UBE2Q1: variants seen among roughly 807,000 people sequenced by gnomAD.
UBE2Q1 encodes the protein ubiquitin-conjugating enzyme E2 Q1.
UBE2Q1 carries 6 observed loss-of-function variants against 60.1 expected under a neutral mutation model. The ratio of observed to expected loss-of-function variants is 0.10; its 90% CI spans 0.05 to 0.20. The LOEUF (loss-of-function observed/expected upper bound fraction) is 0.20. UBE2Q1 is among the 10% of genes least tolerant of loss of function. The pLI, the probability that UBE2Q1 is intolerant of heterozygous loss-of-function variation, is 1.00. For synonymous variants in UBE2Q1, 226 were observed against 208.3 expected (o/e 1.09, Z -0.73); for missense variants, 262 against 525.8 (o/e 0.50, Z 4.91).
intron 1 of UBE2Q1, among the ~76,000 whole-genome samples, chr1:154,557,618 G>A (rs756914406): frequency 2.6e-5 from 4 of 152,086 alleles, no homozygotes; most frequent in East Asian, 1.9e-4. Flanking sequence ...TACCAGCTGA[G>A]GCAAAAAGAG....
rs1165772537 is a variant in UBE2Q1, at chr1:154,558,632, G to A, written c.-79C>T. 2 of 1,000,424 alleles carry A rather than the reference G, an allele frequency of 2.0e-6. No individual in the cohort carries two copies. Among genetic ancestry groups the A allele is most frequent in the Non-Finnish European group, 2.4e-6 (2 of 843,242 alleles). The allele number at this position is 1,000,424 out of a possible 1,614,324, so 62.0% of individuals were successfully genotyped here. On this transcript the variant is annotated 5_prime_UTR_variant, in exon 1 of 13. Coordinates refer to ENST00000292211, the MANE Select transcript of UBE2Q1 (RefSeq NM_017582.7). ...TCCGGGCTCCGCCGCCGCCGCCGCCGCCGCCGCCGCCGCCGCGGTCCGCAC... is the reference window on the plus strand; with the variant it reads ...TCCGGGCTCCGCCGCCGCCGCCGCCACCGCCGCCGCCGCCGCGGTCCGCAC...
In UBE2Q1 at chr1:154,550,335, A is replaced by C. The variant is rs1695773027; in HGVS notation, c.*103T>G. 1.3e-6 allele frequency: 2 copies of C among 1,493,238 alleles called. No homozygotes were observed. The highest frequency in any genetic ancestry group is 2.8e-5 in the African/African-American group (2 of 72,366). 92.5% of individuals were successfully genotyped at this position (1,493,238 alleles called of 1,614,324 possible). A position where few individuals can be genotyped will look rare whatever the true frequency, so the allele number is the denominator to read the frequency against. On this transcript the variant is annotated 3_prime_UTR_variant, in exon 13 of 13. Transcript: ENST00000292211. Reference sequence around the variant, plus strand: ...AGGCAGAGCTATCACGTCCAGGAAAAATGAGGGAGGGAACCACAGAGGCAG... The same window carrying C: ...AGGCAGAGCTATCACGTCCAGGAAACATGAGGGAGGGAACCACAGAGGCAG...
rs1312006776 is a variant in UBE2Q1, at chr1:154,549,209, T to TA, written c.*1228dup. The TA allele has an allele frequency of 6.6e-6, 1 of 152,280 alleles. No homozygotes were observed. Among genetic ancestry groups the TA allele is most frequent in the Non-Finnish European group, 1.5e-5 (1 of 68,088 alleles). 9.4% of individuals were successfully genotyped at this position (152,280 alleles called of 1,614,324 possible). A position where few individuals can be genotyped will look rare whatever the true frequency, so the allele number is the denominator to read the frequency against. ...CCAAACTTTTACAACAGCAAGTACA[T>TA]ACAACACAGCACTGACAGTTCCATC... On this transcript the variant is annotated 3_prime_UTR_variant, in exon 13 of 13. Transcript: ENST00000292211.
rs1432657995 is a variant in UBE2Q1 at position 154,550,260 on chromosome 1, T to C, written c.*178A>G. 1.1e-5 allele frequency: 9 copies of C among 850,582 alleles called. No individual in the cohort carries two copies. Among genetic ancestry groups the C allele is most frequent in the Non-Finnish European group, 1.7e-5 (9 of 531,292 alleles). The allele number at this position is 850,582 out of a possible 1,614,324, so 52.7% of individuals were successfully genotyped here. On this transcript the variant is annotated 3_prime_UTR_variant, in exon 13 of 13. Transcript: ENST00000292211. ...GTCTTGAGTACTTGAAACAGTTCTG[T>C]GTTTGTTTTTTTTCCTTAGCGTTTA...
Position 154,550,359 on chromosome 1 carries a change from A to G in UBE2Q1, c.*79T>C. 1 of 1,581,148 alleles carries G rather than the reference A, an allele frequency of 6.3e-7. No individual in the cohort carries two copies. The highest frequency in any genetic ancestry group is 2.2e-5 in the East Asian group (1 of 44,654). On this transcript the variant is annotated 3_prime_UTR_variant, in exon 13 of 13. Coordinates refer to ENST00000292211, the MANE Select transcript of UBE2Q1 (RefSeq NM_017582.7). ...AAATGAGGGAGGGAACCACAGAGGC[A>G]GCGTGAGATCCAAATACAGCATTCA...
intron 3 of UBE2Q1, 158 bp from the exon 4 acceptor site, chr1:154,554,943 C>T (rs1695857215): frequency 1.5e-5 from 10 of 683,906 alleles, no homozygotes; most frequent in Non-Finnish European, 2.4e-5. Flanking sequence ...AAGCAACAGC[C>T]CAGGGAATGG....
At chr1:154,551,050 T>A (rs1695783262) in intron 11 of UBE2Q1, 46 bp from the exon 12 acceptor site, 1 of 1,608,064 alleles carries the variant, frequency 6.2e-7, no homozygotes, top group Non-Finnish European at 8.5e-7. Context: ...AGCTGTGGCC[T>A]TACTGCCCCT....
chr1:154,553,497 A>T (rs1293133383), intron 4 of UBE2Q1: 1 of 220,586 alleles, frequency 4.5e-6, no homozygotes, highest in Non-Finnish European at 9.1e-6. Context: ...CTCCCTTGGC[A>T]GCAGAAACTC....
At chr1:154,553,496 C>A (rs1448683135) in intron 4 of UBE2Q1, 2 of 220,684 alleles carry the variant, frequency 9.1e-6, no homozygotes, top group Non-Finnish European at 1.8e-5. Flanking sequence ...ACTCCCTTGG[C>A]AGCAGAAACT....
intron 2 of UBE2Q1, 22 bp from the exon 3 acceptor site, chr1:154,555,554 G>T (rs1695868304): frequency 6.2e-7 from 1 of 1,605,178 alleles, no homozygotes; most frequent in Non-Finnish European, 8.5e-7. Context: ...GGAGCACAGA[G>T]ACATCAAATC....
chr1:154,558,160 CTGGA>C (rs1695924906), intron 1 of UBE2Q1, 63 bp downstream of exon 1: 4 of 1,350,762 alleles, frequency 3.0e-6, no homozygotes, highest in African/African-American at 1.5e-5. Context: ...GAGCAAAAAG[CTGGA>C]TGGAGTGATC....
chr1:154,551,131 A>G, intron 11 of UBE2Q1, 127 bp from the exon 12 acceptor site: 1 of 1,112,834 alleles, frequency 9.0e-7, no homozygotes, highest in Admixed American at 1.8e-5. Flanking sequence ...GTAAAACACT[A>G]AGTACCCTCC....
chr1:154,556,568 C>G (rs1024956288), intron 1 of UBE2Q1, among the ~76,000 whole-genome samples: 1 of 152,246 alleles, frequency 6.6e-6, no homozygotes, highest in Admixed American at 6.5e-5. Flanking sequence ...GCCACCTTCT[C>G]AGTCCAGGCG....
At position 154,558,241 on chromosome 1, in the gene UBE2Q1, G is replaced by A. The variant is rs979819603; in HGVS notation, c.313C>T (p.His105Tyr). 1.3e-6 allele frequency: 2 copies of A among 1,552,508 alleles called. No homozygotes were observed. Among genetic ancestry groups the A allele is most frequent in the African/African-American group, 1.4e-5 (1 of 70,492 alleles). ...GSVPGDPVRI[H>Y]CNITESYPAV... ...GGGGTCCTCACCGTGATGTTGCAGT[G>A]GATGCGGACAGGATCCCCAGGCACC... The change falls in exon 1 of 13, where the codon CAC (histidine) becomes TAC (tyrosine). Residue 105 changes from histidine to tyrosine, a missense_variant. Physicochemically the swap from His to Tyr is moderately conservative, Grantham distance 83. This residue lies in a region of UBE2Q1 where 111 missense variants were observed against 266.8 expected (regional missense o/e 0.42). Transcript: ENST00000292211.
rs1217221602 is a variant in UBE2Q1 at position 154,553,161 on chromosome 1, G to C, written c.600C>G (p.Asp200Glu). ...CCTCTTTCATTTCATAGTGATCTAA[G>C]TCTTCTGTGTCCTGGAGGAGGTGTG... is the stretch of plus-strand genomic sequence containing the variant. ...EDEEMPEDTE[D>E]LDHYEMKEEE... The change falls in exon 5 of 13, where the codon GAC (aspartate) becomes GAG (glutamate). Residue 200 changes from aspartate to glutamate, a missense_variant. Physicochemically the swap from Asp to Glu is conservative, Grantham distance 45. This residue lies in a region of UBE2Q1 where 111 missense variants were observed against 266.8 expected (regional missense o/e 0.42). Coordinates refer to ENST00000292211, the MANE Select transcript of UBE2Q1 (RefSeq NM_017582.7). 1 of 1,612,872 alleles carries C rather than the reference G, an allele frequency of 6.2e-7. No individual in the cohort carries two copies.
At chr1:154,557,453 G>A (rs921820117) in intron 1 of UBE2Q1, among the ~76,000 whole-genome samples, 13 of 152,190 alleles carry the variant, frequency 8.5e-5, no homozygotes, top group African/African-American at 2.9e-4. Context: ...TGCCTAGGAT[G>A]GAATGACGCT....
At chr1:154,551,866 C>G in intron 9 of UBE2Q1, 47 bp from the exon 10 acceptor site, 1 of 1,614,212 alleles carries the variant, frequency 6.2e-7, no homozygotes, top group Non-Finnish European at 8.5e-7. Context: ...ATCTCCAAGT[C>G]TCTTCCCCGC....
rs998158296 is a variant in UBE2Q1, at chr1:154,552,888, G to A, written c.730-68C>T. On this transcript the variant is annotated intron_variant, in intron 5 of 12. Coordinates refer to ENST00000292211, the MANE Select transcript of UBE2Q1 (RefSeq NM_017582.7). ...TTATAAACACACGTTAGACCTTAGG[G>A]GCAGTCTGGCAGCTTGCCCAGGATT... The A allele has an allele frequency of 2.8e-5, 45 of 1,595,124 alleles. No homozygotes were observed. The Admixed American group carries it at 7.8e-4, about 28-fold the overall frequency.
chr1:154,552,286 C>T (rs1695803188), intron 7 of UBE2Q1, 103 bp from the exon 8 acceptor site: 1 of 1,591,552 alleles, frequency 6.3e-7, no homozygotes, highest in Non-Finnish European at 8.6e-7. Context: ...CCACTGCCCA[C>T]ACCCGCTCCG....
Sources: allele counts gnomAD v4.1 joint callset (sites outside exome capture counted in the v4.1 genomes callset), GRCh38; gene constraint gnomAD v4.1.1; regional missense constraint gnomAD v4.1.1; transcripts MANE v1.5; gene names NCBI Gene and HGNC (gene_info 2026-07-23, HGNC 2026-07-21).